Variants in PAN2 observed in about 807,000 individuals in gnomAD.
The protein encoded by PAN2 is PAN2-PAN3 deadenylation complex catalytic subunit PAN2.
A neutral mutation model predicts 133.3 loss-of-function variants in PAN2; 68 were observed. That is an observed-to-expected ratio of 0.51 (90% CI 0.42 to 0.62). The LOEUF (loss-of-function observed/expected upper bound fraction) is 0.62, where lower values mean the gene tolerates loss of function less well. Ranked by LOEUF, PAN2 falls within the 20% of genes least tolerant of loss-of-function variation. PAN2 has a pLI of 0.00. For synonymous variants in PAN2, 462 were observed against 544.6 expected (o/e 0.85, Z 2.11); for missense variants, 1,042 against 1,500.5 (o/e 0.69, Z 5.05).
At chr12:56,318,455 A>C in intron 24 of PAN2, 21 bp from the exon 25 acceptor site, 1 of 1,597,584 alleles carries the variant, frequency 6.3e-7, no homozygotes, top group South Asian at 1.1e-5. Context: ...TAAAGGTGGA[A>C]TAGTTTGGGA....
rs534021513 is a variant in PAN2 at position 56,316,955 on chromosome 12, T to C, written c.*654A>G. 1.1e-4 allele frequency: 16 copies of C among 152,342 alleles called. No homozygotes were observed. The highest frequency in any genetic ancestry group is 3.8e-4 in the African/African-American group (16 of 41,566). 9.4% of individuals were successfully genotyped at this position (152,342 alleles called of 1,614,324 possible). A position where few individuals can be genotyped will look rare whatever the true frequency, so the allele number is the denominator to read the frequency against. Reference sequence around the variant, plus strand: ...CTCTAATGAGATAAATAACAAACGATATTTTATTTTTATTTTATAAAACAT... The same window carrying C: ...CTCTAATGAGATAAATAACAAACGACATTTTATTTTTATTTTATAAAACAT... On this transcript the variant is annotated 3_prime_UTR_variant, in exon 26 of 26. Transcript: ENST00000440411.
chr12:56,322,396 G>C, intron 19 of PAN2, 27 bp downstream of exon 19: 2 of 1,575,854 alleles, frequency 1.3e-6, no homozygotes. Flanking sequence ...GGAAATGAAA[G>C]AAGAAACAGA....
chr12:56,323,659 G>T, intron 14 of PAN2, 61 bp from the exon 15 acceptor site: 1 of 1,524,786 alleles, frequency 6.6e-7, no homozygotes, highest in South Asian at 1.1e-5. Flanking sequence ...GTCTGGACAG[G>T]GACCTGGGTC....
At position 56,333,115 on chromosome 12, in the gene PAN2, C is replaced by A; in HGVS notation, c.-21G>T. On this transcript the variant is annotated 5_prime_UTR_variant, in exon 2 of 26. Coordinates refer to ENST00000440411, the MANE Select transcript of PAN2 (RefSeq NM_014871.6). ...TTCATGATGACGATGGCAGCTTACA[C>A]CTGTGTCACACCCTCCCTTACCACA... is the stretch of plus-strand genomic sequence containing the variant. 1 of 1,610,524 alleles carries A rather than the reference C, an allele frequency of 6.2e-7. No individual in the cohort carries two copies.
rs1343925582 is a variant in PAN2, at chr12:56,323,729, G to A, written c.2172+78C>T. 4 of 1,431,782 alleles carry A rather than the reference G, an allele frequency of 2.8e-6. No individual in the cohort carries two copies. The South Asian group carries it at 3.4e-5, about 12-fold the overall frequency. The allele number at this position is 1,431,782 out of a possible 1,614,324, so 88.7% of individuals were successfully genotyped here. A position where few individuals can be genotyped will look rare whatever the true frequency, so the allele number is the denominator to read the frequency against. On this transcript the variant is annotated intron_variant, in intron 14 of 25. Transcript: ENST00000440411. ...AGATCCCTGGATGGCAGTGCTGACA[G>A]AGCCAGCCCCACATGGGATAGTGGC...
rs1321163650 is a variant in PAN2, at chr12:56,333,990, A to C, written c.-243T>G. 1 of 152,152 alleles carries C rather than the reference A, an allele frequency of 6.6e-6. No individual in the cohort carries two copies. The highest frequency in any genetic ancestry group is 1.5e-5 in the Non-Finnish European group (1 of 68,042). The allele number at this position is 152,152 out of a possible 1,614,324, so 9.4% of individuals were successfully genotyped here. A position where few individuals can be genotyped will look rare whatever the true frequency, so the allele number is the denominator to read the frequency against. On this transcript the variant is annotated 5_prime_UTR_variant, in exon 1 of 26. Coordinates refer to ENST00000440411, the MANE Select transcript of PAN2 (RefSeq NM_014871.6). Reference sequence around the variant, plus strand: ...TCCCCCACGCCTAGGGCTCAACCTAACCACTACGGCGCCAAGGACCGGGGT... The same window carrying C: ...TCCCCCACGCCTAGGGCTCAACCTACCCACTACGGCGCCAAGGACCGGGGT...
In PAN2 at chr12:56,317,373, T is replaced by C; in HGVS notation, c.*236A>G. On this transcript the variant is annotated 3_prime_UTR_variant, in exon 26 of 26. Transcript: ENST00000440411. ...CTTTCCATCTGGGTCAATTCTAGAC[T>C]CCATGTCTGTACCACTGTTTTGCAA... 1.7e-6 allele frequency: 1 copy of C among 572,552 alleles called. No homozygotes were observed. 35.5% of individuals were successfully genotyped at this position (572,552 alleles called of 1,614,324 possible).
chr12:56,326,911 A>G lies in PAN2; in HGVS notation c.968T>C (p.Ile323Thr). ...EPTGLANPAD[I>T]FHVNPVGPLL... Reference sequence around the variant, plus strand: ...AGGCCCCACAGGATTCACATGAAAGATATCGGCTGGGTTGGCCAGGCCTGT... The same window carrying G: ...AGGCCCCACAGGATTCACATGAAAGGTATCGGCTGGGTTGGCCAGGCCTGT... Residue 323 changes from isoleucine to threonine, a missense_variant, in exon 7 of 26, where the codon ATC becomes ACC. Physicochemically the swap from Ile to Thr is moderately conservative, Grantham distance 89 (BLOSUM62 -1). Transcript: ENST00000440411. 6.2e-7 allele frequency: 1 copy of G among 1,614,180 alleles called. No homozygotes were observed. Among genetic ancestry groups the G allele is most frequent in the Non-Finnish European group, 8.5e-7 (1 of 1,180,030 alleles).
chr12:56,317,847 T>G (rs1874074251), intron 25 of PAN2, among the ~76,000 whole-genome samples: 1 of 152,238 alleles, frequency 6.6e-6, no homozygotes, highest in South Asian at 2.1e-4. Flanking sequence ...AAGTGCTTTG[T>G]AAACTGTTAA....
chr12:56,332,725 T>C (rs1876056629), intron 2 of PAN2, 88 bp downstream of exon 2: 2 of 1,352,148 alleles, frequency 1.5e-6, no homozygotes, highest in Non-Finnish European at 2.1e-6. Context: ...TCCTCGGTAC[T>C]GGCTATCTGC....
rs551728702 is a variant in PAN2, at chr12:56,331,064, T to C, written c.282+1749A>G. ...ATCCGCCTGCTTCGGCCTCCCAAAG[T>C]GCTGGGATTACAGGTGTGAGTCACC... is the stretch of plus-strand genomic sequence containing the variant. On this transcript the variant is annotated intron_variant, in intron 2 of 25. Transcript: ENST00000440411. 9.8e-5 allele frequency among the ~76,000 whole-genome samples: 15 copies of C among 152,346 alleles called. No homozygotes were observed. In the East Asian group the frequency reaches 2.7e-3, roughly 27 times the overall value.
At position 56,322,634 on chromosome 12, in the gene PAN2, G is replaced by A; in HGVS notation, c.2618C>T (p.Thr873Ile). Residue 873 changes from threonine to isoleucine, a missense_variant, in exon 18 of 26, where the codon ACC (threonine) becomes ATC (isoleucine). Thr to Ile is a moderately conservative substitution (Grantham distance 89). Transcript: ENST00000440411. ...ACTCACCTCCTTGCGCTGGTGGTAG[G>A]TCTCTCCAACTTTGATGTGAGCCAC... ...SLVAHIKVGE[T>I]YHQRKEGVTH... The A allele has an allele frequency of 6.2e-7, 1 of 1,614,154 alleles. No individual in the cohort carries two copies. The highest frequency in any genetic ancestry group is 8.5e-7 in the Non-Finnish European group (1 of 1,180,020).
intron 17 of PAN2, 89 bp downstream of exon 17, chr12:56,322,973 T>G: frequency 6.6e-7 from 1 of 1,509,560 alleles, no homozygotes; most frequent in South Asian, 1.1e-5. Flanking sequence ...CTTTTCCCTC[T>G]GCTAAGTTTC....
intron 1 of PAN2, 25 bp downstream of exon 1, chr12:56,333,837 A>G (rs1248779813): frequency 6.6e-6 from 1 of 152,142 alleles, no homozygotes; most frequent in Admixed American, 6.6e-5. Flanking sequence ...TGTTCCTGGG[A>G]TGCTTACGGG....
chr12:56,327,604 T>C lies in PAN2; in HGVS notation c.679A>G (p.Lys227Glu), dbSNP rs1244154837. ...KVSLRDLRTF[K>E]VEHEFDAFSG... ...AAGGCATCAAACTCATGTTCCACCT[T>C]AAAAGTACGGAGGTCTCTCAGGGAA... is the stretch of plus-strand genomic sequence containing the variant. The change falls in exon 6 of 26, where the codon AAG (lysine) becomes GAG (glutamate). Residue 227 changes from lysine to glutamate, a missense_variant. Physicochemically the swap from Lys to Glu is moderately conservative, Grantham distance 56. Transcript: ENST00000440411. 4.3e-6 allele frequency: 7 copies of C among 1,613,870 alleles called. No individual in the cohort carries two copies. The highest frequency in any genetic ancestry group is 5.9e-6 in the Non-Finnish European group (7 of 1,179,972).
In PAN2 at chr12:56,327,606, A is replaced by C. The variant is rs1194777120; in HGVS notation, c.677T>G (p.Phe226Cys). The C allele has an allele frequency of 2.5e-6, 4 of 1,613,974 alleles. No homozygotes were observed. The highest frequency in any genetic ancestry group is 1.3e-5 in the African/African-American group (1 of 74,924). Residue 226 changes from phenylalanine (F) to cysteine (C), a missense_variant, in exon 6 of 26, where the codon TTT (phenylalanine) becomes TGT (cysteine). Phe to Cys is a radical substitution (Grantham distance 205, BLOSUM62 -2). This residue lies in a region of PAN2 where 908 missense variants were observed against 1,223.5 expected (regional missense o/e 0.74). Transcript: ENST00000440411. ...GGCATCAAACTCATGTTCCACCTTA[A>C]AAGTACGGAGGTCTCTCAGGGAAAC... is the stretch of plus-strand genomic sequence containing the variant. ...GKVSLRDLRT[F>C]KVEHEFDAFS...
intron 17 of PAN2, 65 bp downstream of exon 17, chr12:56,322,997 C>G: frequency 6.3e-7 from 1 of 1,591,052 alleles, no homozygotes; most frequent in Non-Finnish European, 8.6e-7. Context: ...TTCCCCTGCC[C>G]TCCTTTACCT....
Position 56,332,914 on chromosome 12 carries a change from C to T in PAN2, c.181G>A (p.Val61Ile). 1 of 1,614,210 alleles carries T rather than the reference C, an allele frequency of 6.2e-7. No homozygotes were observed. Residue 61 changes from valine to isoleucine, a missense_variant, in exon 2 of 26, where the codon GTC (valine) becomes ATC (isoleucine). Physicochemically the swap from Val to Ile is conservative, Grantham distance 29. Transcript: ENST00000440411. The part of the protein sequence containing the change: ...VQESVHIMEG[V>I]YSELHSVVAE... ...ACCACGCTGTGCAATTCAGAGTAGA[C>T]ACCTTCCATTATGTGCACTGATTCC...
At position 56,318,493 on chromosome 12, in the gene PAN2, T is replaced by A. The variant is rs1874148959; in HGVS notation, c.3365-59A>T. ...CAGCAAAGGGAGGTAGGAACATGTCTCCCCACTCCTACCTGACTCCAGAAA... is the reference window on the plus strand; with the variant it reads ...CAGCAAAGGGAGGTAGGAACATGTCACCCCACTCCTACCTGACTCCAGAAA... On this transcript the variant is annotated intron_variant, in intron 24 of 25. Transcript: ENST00000440411. The A allele has an allele frequency of 2.3e-6, 3 of 1,327,408 alleles. No individual in the cohort carries two copies. The South Asian group carries it at 3.6e-5, about 16-fold the overall frequency. 82.2% of individuals were successfully genotyped at this position (1,327,408 alleles called of 1,614,324 possible).
Sources: allele counts gnomAD v4.1 joint callset (sites outside exome capture counted in the v4.1 genomes callset), GRCh38; gene constraint gnomAD v4.1.1; regional missense constraint gnomAD v4.1.1; transcripts MANE v1.5; gene names NCBI Gene and HGNC (gene_info 2026-07-23, HGNC 2026-07-21).